Variants in ELMO1 observed in about 807,000 individuals in gnomAD.
ELMO1 encodes engulfment and cell motility protein 1.
A neutral mutation model predicts 98.9 loss-of-function variants in ELMO1; 26 were observed. The ratio of observed to expected loss-of-function variants is 0.26; its 90% CI spans 0.19 to 0.36. The LOEUF (loss-of-function observed/expected upper bound fraction) is 0.36. Among genes scored for constraint, ELMO1 ranks in the 10% least tolerant of loss-of-function variants. The pLI is 1.00. For synonymous variants in ELMO1, 346 were observed against 346.0 expected, an observed-to-expected ratio of 1.00 and a Z score of 0.00; for missense variants, 627 against 935.2, an observed-to-expected ratio of 0.67 and a Z score of 4.30.
chr7:36,867,553 TAAGCTTA>T (rs1803129417), intron 20 of ELMO1, among the ~76,000 whole-genome samples: 1 of 152,136 alleles, frequency 6.6e-6, no homozygotes, highest in Non-Finnish European at 1.5e-5. Context: ...CTGCTTGCTT[TAAGCTTA>T]AATTGCTCTC....
chr7:37,387,581 G>A (rs1427643863), intron 1 of ELMO1, among the ~76,000 whole-genome samples: 1 of 152,154 alleles, frequency 6.6e-6, no homozygotes, highest in Non-Finnish European at 1.5e-5. Flanking sequence ...TGGGGGGTTA[G>A]TACTCGAATA....
chr7:37,438,493 C>T lies in ELMO1; in HGVS notation c.-74+10182G>A, dbSNP rs952136604. ...CGGGAGCCTGTAGTCCCAGCTACTTCGGAGGCTGGGGCAGGAGAATGGCGT... is the reference window on the plus strand; with the variant it reads ...CGGGAGCCTGTAGTCCCAGCTACTTTGGAGGCTGGGGCAGGAGAATGGCGT... On this transcript the variant is annotated intron_variant, in intron 1 of 21. Coordinates refer to ENST00000310758, the MANE Select transcript of ELMO1 (RefSeq NM_014800.11). Among the ~76,000 whole-genome samples, 10 of 150,702 alleles carry T rather than the reference C, an allele frequency of 6.6e-5. No individual in the cohort carries two copies. The South Asian group carries it at 8.4e-4, about 13-fold the overall frequency.
chr7:37,044,412 CTAT>C (rs1243124469), intron 15 of ELMO1, among the ~76,000 whole-genome samples: 1 of 152,206 alleles, frequency 6.6e-6, no homozygotes, highest in Non-Finnish European at 1.5e-5. Context: ...TAGGTCTGCA[CTAT>C]TATTGTCTTC....
intron 2 of ELMO1, among the ~76,000 whole-genome samples, chr7:37,333,535 A>G (rs1490203930): frequency 1.3e-5 from 2 of 152,206 alleles, no homozygotes; most frequent in South Asian, 2.1e-4. Context: ...TTCTCGCTCA[A>G]TTAAACTCAG....
At chr7:37,153,945 C>T (rs951560759) in intron 13 of ELMO1, among the ~76,000 whole-genome samples, 1 of 152,098 alleles carries the variant, frequency 6.6e-6, no homozygotes, top group Non-Finnish European at 1.5e-5. Flanking sequence ...CCCTCTGGGA[C>T]AAAGCTTCCA....
chr7:36,988,037 C>T (rs1054669310), intron 16 of ELMO1, among the ~76,000 whole-genome samples: 2 of 152,192 alleles, frequency 1.3e-5, no homozygotes, highest in African/African-American at 2.4e-5. Context: ...GGATTACAGG[C>T]GGGAGCCACG....
At position 37,385,543 on chromosome 7, in the gene ELMO1, CCT is replaced by C. The variant is rs572322364; in HGVS notation, c.-73-42782_-73-42781del. On this transcript the variant is annotated intron_variant, in intron 1 of 21. Coordinates refer to ENST00000310758, the MANE Select transcript of ELMO1 (RefSeq NM_014800.11). ...CTCTCTGTCCTTCCCACTCCACTCCCCTGTTTTATTTTCTTGATGGCACTTCT... is the reference window on the plus strand; with the variant it reads ...CTCTCTGTCCTTCCCACTCCACTCCCGTTTTATTTTCTTGATGGCACTTCT... 2.0e-3 allele frequency among the ~76,000 whole-genome samples: 299 copies of C among 152,336 alleles called. 2 individuals carry two copies. Among genetic ancestry groups the C allele is most frequent in the African/African-American group, 6.5e-3 (272 of 41,580 alleles).
At chr7:37,236,662 G>A (rs192161285) in intron 7 of ELMO1, among the ~76,000 whole-genome samples, 5 of 152,244 alleles carry the variant, frequency 3.3e-5, no homozygotes, top group African/African-American at 4.8e-5. Context: ...CGGTTGCTGG[G>A]TGACATAGTA....
intron 4 of ELMO1, among the ~76,000 whole-genome samples, chr7:37,296,210 A>T (rs1798019624): frequency 6.6e-6 from 1 of 152,094 alleles, no homozygotes; most frequent in Non-Finnish European, 1.5e-5. Flanking sequence ...CCTCTTCCAC[A>T]TTCACTCAGG....
intron 14 of ELMO1, among the ~76,000 whole-genome samples, chr7:37,122,793 C>A (rs1019592668): frequency 1.3e-5 from 2 of 152,200 alleles, no homozygotes; most frequent in African/African-American, 2.4e-5. Context: ...ACCTAATAGA[C>A]ATCTACAGAA....
intron 1 of ELMO1, among the ~76,000 whole-genome samples, chr7:37,446,474 T>C (rs1006129519): frequency 3.3e-5 from 5 of 152,084 alleles, no homozygotes; most frequent in African/African-American, 4.8e-5. Context: ...GACAGAGACC[T>C]GAAAGAAGCA....
At chr7:36,867,609 C>T (rs967297328) in intron 20 of ELMO1, among the ~76,000 whole-genome samples, 5 of 151,976 alleles carry the variant, frequency 3.3e-5, no homozygotes, top group Non-Finnish European at 5.9e-5. Flanking sequence ...TATTGATTTT[C>T]GTTCTTTCTT....
chr7:37,039,050 A>G (rs1795350284), intron 15 of ELMO1, among the ~76,000 whole-genome samples: 1 of 152,188 alleles, frequency 6.6e-6, no homozygotes, highest in Non-Finnish European at 1.5e-5. Context: ...TAGCACTTGG[A>G]AACTCTGAGA....
intron 16 of ELMO1, among the ~76,000 whole-genome samples, chr7:36,934,624 A>G (rs1209300662): frequency 2.0e-5 from 3 of 152,248 alleles, no homozygotes; most frequent in South Asian, 4.1e-4. Context: ...TTAGGAGATG[A>G]AAAAAGAAAC....
intron 1 of ELMO1, among the ~76,000 whole-genome samples, chr7:37,444,780 C>T (rs1805541933): frequency 6.6e-6 from 1 of 152,204 alleles, no homozygotes; most frequent in African/African-American, 2.4e-5. Context: ...TCCCAAAGTG[C>T]TGGGATTAGA....
chr7:37,060,827 C>T (rs890800745), intron 15 of ELMO1, among the ~76,000 whole-genome samples: 1 of 151,518 alleles, frequency 6.6e-6, no homozygotes, highest in South Asian at 2.1e-4. Flanking sequence ...GGGTAATGTC[C>T]CAAGTCACTG....
intron 13 of ELMO1, among the ~76,000 whole-genome samples, chr7:37,180,880 TG>T (rs1362141100): frequency 1.3e-5 from 2 of 151,378 alleles, no homozygotes; most frequent in Non-Finnish European, 2.9e-5. Flanking sequence ...AGGGAGGAAA[TG>T]AGGCAAAACA....
chr7:37,320,443 T>C (rs939754691), intron 2 of ELMO1, among the ~76,000 whole-genome samples: 3 of 152,176 alleles, frequency 2.0e-5, no homozygotes, highest in Non-Finnish European at 4.4e-5. Flanking sequence ...CTCCACACTT[T>C]CGCTCATGCC....
At chr7:37,379,333 G>A (rs1014702402) in intron 1 of ELMO1, among the ~76,000 whole-genome samples, 16 of 152,058 alleles carry the variant, frequency 1.1e-4, no homozygotes, top group South Asian at 4.1e-4. Context: ...GAGCCACCGC[G>A]CCCGGCCTCA....
Sources: allele counts gnomAD v4.1 joint callset (sites outside exome capture counted in the v4.1 genomes callset), GRCh38; gene constraint gnomAD v4.1.1; transcripts MANE v1.5; gene names NCBI Gene and HGNC (gene_info 2026-07-23, HGNC 2026-07-21).